The following PTPRK variants were observed in gnomAD, a reference collection of about 807,000 sequenced individuals.
PTPRK encodes receptor-type tyrosine-protein phosphatase kappa.
Under a neutral mutation model 178.0 loss-of-function variants are expected in PTPRK, and 75 were observed. The ratio of observed to expected loss-of-function variants is 0.42; its 90% CI spans 0.35 to 0.51. The LOEUF is 0.51. Ranked by LOEUF, PTPRK falls within the 20% of genes least tolerant of loss-of-function variation. The pLI, the probability that PTPRK is intolerant of heterozygous loss-of-function variation, is 0.02. For synonymous variants in PTPRK, 637 were observed against 620.6 expected, an observed-to-expected ratio of 1.03 and a Z score of -0.39; for missense variants, 1,441 against 1,797.8, an observed-to-expected ratio of 0.80 and a Z score of 3.59.
intron 6 of PTPRK, among the ~76,000 whole-genome samples, chr6:128,189,226 ACT>A (rs1452503066): frequency 7.8e-6 from 1 of 127,994 alleles, no homozygotes; most frequent in African/African-American, 2.9e-5. Context: ...ATCATATTTT[ACT>A]CTTTTTCTTT....
At chr6:128,446,700 A>C (rs1332123665) in intron 1 of PTPRK, among the ~76,000 whole-genome samples, 1 of 152,168 alleles carries the variant, frequency 6.6e-6, no homozygotes, top group Non-Finnish European at 1.5e-5. Context: ...AATTTAACTA[A>C]ATTATAAGGT....
At chr6:128,068,976 A>T (rs2114948481) in intron 11 of PTPRK, among the ~76,000 whole-genome samples, 1 of 151,768 alleles carries the variant, frequency 6.6e-6, no homozygotes, top group East Asian at 1.9e-4. Context: ...AGAGACAGAG[A>T]GAGAGAGGAG....
intron 3 of PTPRK, among the ~76,000 whole-genome samples, chr6:128,293,639 A>G (rs1322194701): frequency 6.6e-6 from 1 of 152,130 alleles, no homozygotes; most frequent in East Asian, 1.9e-4. Flanking sequence ...TCATGGAAGA[A>G]GTAAAGCATG....
chr6:128,067,395 AC>A, intron 12 of PTPRK, 123 bp downstream of exon 12: 3 of 1,113,850 alleles, frequency 2.7e-6, no homozygotes, highest in East Asian at 2.7e-5. Context: ...TGAGAACAGA[AC>A]CCCCTACATG....
intron 2 of PTPRK, among the ~76,000 whole-genome samples, chr6:128,351,696 C>T (rs1029262468): frequency 6.6e-6 from 1 of 152,032 alleles, no homozygotes; most frequent in Non-Finnish European, 1.5e-5. Flanking sequence ...AAAATGAAAT[C>T]GTGCAATGAA....
rs147407880 is a variant in PTPRK at position 128,520,294 on chromosome 6, G to A, written c.65C>T (p.Pro22Leu). 293 of 1,608,966 alleles carry A rather than the reference G, an allele frequency of 1.8e-4. No individual in the cohort carries two copies. The highest frequency in any genetic ancestry group is 1.9e-4 in the Non-Finnish European group (229 of 1,177,722). Residue 22 changes from proline to leucine, a missense_variant, in exon 1 of 30, where the codon CCT (proline) becomes CTT (leucine). Coordinates refer to ENST00000368226, the MANE Select transcript of PTPRK (RefSeq NM_002844.4). ...FVALLLLSPW[P>L]LLGSAQGQFS... Reference sequence around the variant, plus strand: ...CTGGCCTTGGGCCGATCCCAGGAGAGGCCAAGGAGAGAGGAGCAAGAGCGC... The same window carrying A: ...CTGGCCTTGGGCCGATCCCAGGAGAAGCCAAGGAGAGAGGAGCAAGAGCGC...
At chr6:128,344,981 C>T (rs1832217092) in intron 2 of PTPRK, among the ~76,000 whole-genome samples, 1 of 150,384 alleles carries the variant, frequency 6.6e-6, no homozygotes, top group Non-Finnish European at 1.5e-5. Flanking sequence ...AGAAAATTAT[C>T]CTGAATGTAG....
At chr6:128,145,577 T>C (rs1013640636) in intron 7 of PTPRK, among the ~76,000 whole-genome samples, 1 of 152,022 alleles carries the variant, frequency 6.6e-6, no homozygotes, top group Admixed American at 6.6e-5. Context: ...ATTCAGAATA[T>C]GAAGAAAACA....
intron 1 of PTPRK, among the ~76,000 whole-genome samples, chr6:128,514,542 T>G (rs1027061169): frequency 7.9e-5 from 12 of 152,346 alleles, no homozygotes; most frequent in African/African-American, 2.9e-4. Flanking sequence ...TGACACCTGT[T>G]GGAGGATTCA....
intron 1 of PTPRK, among the ~76,000 whole-genome samples, chr6:128,428,658 T>TA (rs1844465051): frequency 6.6e-6 from 1 of 152,174 alleles, no homozygotes. Flanking sequence ...TTAACTAACC[T>TA]ACAAACAAAT....
intron 1 of PTPRK, among the ~76,000 whole-genome samples, chr6:128,489,150 T>C (rs1394730712): frequency 6.6e-6 from 1 of 152,232 alleles, no homozygotes; most frequent in Non-Finnish European, 1.5e-5. Flanking sequence ...TCTGAAAATA[T>C]TTCCACAGCA....
intron 1 of PTPRK, among the ~76,000 whole-genome samples, chr6:128,471,371 G>A (rs1301830485): frequency 6.6e-6 from 1 of 151,704 alleles, no homozygotes; most frequent in Non-Finnish European, 1.5e-5. Flanking sequence ...GAATGGGGGG[G>A]AAAAGTGAAT....
intron 1 of PTPRK, among the ~76,000 whole-genome samples, chr6:128,428,658 T>C (rs1844464627): frequency 1.3e-5 from 2 of 152,174 alleles, no homozygotes; most frequent in Non-Finnish European, 2.9e-5. Context: ...TTAACTAACC[T>C]ACAAACAAAT....
At chr6:128,328,575 T>C (rs1258766255) in intron 2 of PTPRK, among the ~76,000 whole-genome samples, 1 of 152,170 alleles carries the variant, frequency 6.6e-6, no homozygotes, top group Non-Finnish European at 1.5e-5. Flanking sequence ...TGGAAGTACA[T>C]ATTTAATGTA....
chr6:128,364,185 T>G (rs1463088936), intron 2 of PTPRK, among the ~76,000 whole-genome samples: 1 of 152,068 alleles, frequency 6.6e-6, no homozygotes, highest in South Asian at 2.1e-4. Context: ...TGAAAACTTT[T>G]TTTTATCCCT....
intron 2 of PTPRK, among the ~76,000 whole-genome samples, chr6:128,366,925 T>C (rs2128345788): frequency 6.6e-6 from 1 of 152,280 alleles, no homozygotes; most frequent in East Asian, 1.9e-4. Context: ...TTAGCTTCTT[T>C]GGATTCAGAG....
At chr6:128,050,897 T>C (rs1778890483) in intron 13 of PTPRK, among the ~76,000 whole-genome samples, 1 of 152,198 alleles carries the variant, frequency 6.6e-6, no homozygotes, top group Admixed American at 6.5e-5. Context: ...CAAAATGATG[T>C]TATTTCAGTA....
At chr6:128,374,423 A>G (rs543350374) in intron 2 of PTPRK, among the ~76,000 whole-genome samples, 1 of 152,188 alleles carries the variant, frequency 6.6e-6, no homozygotes, top group Non-Finnish European at 1.5e-5. Flanking sequence ...AGTATTTCAA[A>G]CTTAACATCT....
chr6:128,055,540 T>G (rs1211137696), intron 13 of PTPRK, among the ~76,000 whole-genome samples: 2 of 152,176 alleles, frequency 1.3e-5, no homozygotes, highest in African/African-American at 4.8e-5. Flanking sequence ...TTTCTTAATG[T>G]CTTTGTATTC....
Sources: allele counts gnomAD v4.1 joint callset (sites outside exome capture counted in the v4.1 genomes callset), GRCh38; gene constraint gnomAD v4.1.1; transcripts MANE v1.5; gene names NCBI Gene and HGNC (gene_info 2026-07-23, HGNC 2026-07-21).